The following FAM13A variants were observed in gnomAD, a reference collection of about 807,000 sequenced individuals.
FAM13A encodes the protein family with sequence similarity 13 member A, also known as protein FAM13A.
A neutral mutation model predicts 129.6 loss-of-function variants in FAM13A; 76 were observed. The observed-to-expected ratio is 0.59, with a 90% CI of 0.49 to 0.71. The LOEUF (loss-of-function observed/expected upper bound fraction) is 0.71. Ranked by LOEUF, FAM13A falls within the 30% of genes least tolerant of loss-of-function variation. FAM13A has a pLI of 0.00. For missense variants in FAM13A, 1,108 were observed against 1,249.3 expected (o/e 0.89, Z 1.70); for synonymous variants, 443 against 449.9 (o/e 0.98, Z 0.20).
chr4:88,839,667 A>C (rs1307422106), intron 7 of FAM13A, among the ~76,000 whole-genome samples: 1 of 152,158 alleles, frequency 6.6e-6, no homozygotes, highest in Non-Finnish European at 1.5e-5. Context: ...TGGGAGGATC[A>C]CTTGAGGCCA....
At chr4:88,829,673 C>T (rs1430442669) in intron 7 of FAM13A, among the ~76,000 whole-genome samples, 1 of 152,082 alleles carries the variant, frequency 6.6e-6, no homozygotes, top group Non-Finnish European at 1.5e-5. Context: ...GATTTCTGGG[C>T]TTACAGGACA....
At chr4:88,760,309 T>C (rs1435103104) in intron 13 of FAM13A, among the ~76,000 whole-genome samples, 1 of 151,926 alleles carries the variant, frequency 6.6e-6, no homozygotes, top group African/African-American at 2.4e-5. Flanking sequence ...TAAAGTCTTA[T>C]AGAAATGCCA....
At chr4:88,856,782 T>G (rs1191559491) in intron 6 of FAM13A, among the ~76,000 whole-genome samples, 1 of 152,236 alleles carries the variant, frequency 6.6e-6, no homozygotes, top group Non-Finnish European at 1.5e-5. Context: ...GTATGGAAGA[T>G]GGCAAAGCTT....
At chr4:88,972,673 T>TCTTGG (rs1477131055) in intron 4 of FAM13A, among the ~76,000 whole-genome samples, 1 of 151,870 alleles carries the variant, frequency 6.6e-6, no homozygotes, top group Non-Finnish European at 1.5e-5. Flanking sequence ...AGTGGTGTGA[T>TCTTGG]CTTGGCTCAC....
chr4:88,919,347 A>G (rs776465503), intron 5 of FAM13A, among the ~76,000 whole-genome samples: 47 of 152,244 alleles, frequency 3.1e-4, no homozygotes, highest in Non-Finnish European at 7.3e-5. Context: ...AAGTCTGTGA[A>G]GCAAACTTTT....
intron 6 of FAM13A, among the ~76,000 whole-genome samples, chr4:88,890,648 G>A (rs1745163768): frequency 6.6e-6 from 1 of 152,070 alleles, no homozygotes; most frequent in South Asian, 2.1e-4. Flanking sequence ...GAAAAGAAAG[G>A]AAATAACAAT....
chr4:88,818,853 GCTCT>G (rs1731334443), intron 7 of FAM13A, among the ~76,000 whole-genome samples: 1 of 152,112 alleles, frequency 6.6e-6, no homozygotes, highest in South Asian at 2.1e-4. Flanking sequence ...GCAGCAGAGG[GCTCT>G]CTAACACCAC....
chr4:89,050,525 A>C (rs2149181267), intron 1 of FAM13A, among the ~76,000 whole-genome samples: 1 of 152,194 alleles, frequency 6.6e-6, no homozygotes, highest in South Asian at 2.1e-4. Context: ...GTTCTTTCTA[A>C]AACTCCAAAT....
intron 1 of FAM13A, among the ~76,000 whole-genome samples, chr4:89,045,826 C>A (rs1277732253): frequency 1.3e-5 from 2 of 151,928 alleles, no homozygotes; most frequent in Admixed American, 6.6e-5. Context: ...GAGTTTGAGA[C>A]CAGTCTGACC....
rs1744212024 is a variant in FAM13A, at chr4:88,758,767, T to A, written c.1713A>T (p.Glu571Asp). 1 of 1,613,244 alleles carries A rather than the reference T, an allele frequency of 6.2e-7. No homozygotes were observed. The highest frequency in any genetic ancestry group is 2.2e-5 in the East Asian group (1 of 44,880). ...PQSDLTALCD[E>D]KNWEEPIPAF... is the part of the protein sequence containing the mutation. ...AGACAACCCTACCTTCCCAGTTCTTTTCATCACACAATGCAGTCAGGTCCG... is the reference window on the plus strand; with the variant it reads ...AGACAACCCTACCTTCCCAGTTCTTATCATCACACAATGCAGTCAGGTCCG... Residue 571 changes from glutamate (E) to aspartate (D), a missense_variant, in exon 14 of 24, where the codon GAA becomes GAT. By Grantham distance (45) the Glu-to-Asp change is conservative. Coordinates refer to ENST00000264344, the MANE Select transcript of FAM13A (RefSeq NM_014883.4).
intron 7 of FAM13A, among the ~76,000 whole-genome samples, chr4:88,847,677 G>A (rs1004820957): frequency 2.6e-4 from 40 of 152,214 alleles, no homozygotes; most frequent in African/African-American, 9.4e-4. Flanking sequence ...GCTCACGCCT[G>A]TAATCCCAGC....
chr4:88,880,933 C>T (rs1743456961), intron 6 of FAM13A, among the ~76,000 whole-genome samples: 1 of 152,036 alleles, frequency 6.6e-6, no homozygotes, highest in African/African-American at 2.4e-5. Context: ...AACATAACTC[C>T]ATTGGCCTGA....
At chr4:88,986,557 A>C (rs1762269674) in intron 4 of FAM13A, among the ~76,000 whole-genome samples, 1 of 152,290 alleles carries the variant, frequency 6.6e-6, no homozygotes, top group Non-Finnish European at 1.5e-5. Context: ...ACCATATGCC[A>C]AATGGCGAAG....
chr4:88,958,335 TCCAG>T (rs1579496671), intron 4 of FAM13A, among the ~76,000 whole-genome samples: 1 of 152,114 alleles, frequency 6.6e-6, no homozygotes, highest in East Asian at 1.9e-4. Context: ...TCTCAGCCAC[TCCAG>T]CTCCAGCTCC....
chr4:88,755,934 C>T (rs540032352), intron 14 of FAM13A, among the ~76,000 whole-genome samples: 1 of 152,296 alleles, frequency 6.6e-6, no homozygotes, highest in East Asian at 1.9e-4. Context: ...GGACTACAGG[C>T]GCATACCACC....
intron 8 of FAM13A, among the ~76,000 whole-genome samples, chr4:88,793,885 G>A (rs549268210): frequency 6.6e-6 from 1 of 152,018 alleles, no homozygotes; most frequent in East Asian, 1.9e-4. Flanking sequence ...TAGTTCCTGT[G>A]GGATGTACTT....
At chr4:89,054,350 A>AAT (rs377479341) in intron 1 of FAM13A, among the ~76,000 whole-genome samples, 5 of 152,132 alleles carry the variant, frequency 3.3e-5, no homozygotes, top group African/African-American at 1.2e-4. Context: ...TACTCATTAT[A>AAT]CTGTCTGAAG....
intron 7 of FAM13A, among the ~76,000 whole-genome samples, chr4:88,821,965 T>C (rs1332313406): frequency 1.3e-5 from 2 of 152,220 alleles, no homozygotes; most frequent in African/African-American, 4.8e-5. Flanking sequence ...TTATTTTTCA[T>C]TGCTAAAACA....
At chr4:88,745,256 G>A (rs1741077037) in intron 19 of FAM13A, among the ~76,000 whole-genome samples, 1 of 152,166 alleles carries the variant, frequency 6.6e-6, no homozygotes, top group African/African-American at 2.4e-5. Context: ...CCAAGGCTCT[G>A]AGAGGTTACC....
Sources: allele counts gnomAD v4.1 joint callset (sites outside exome capture counted in the v4.1 genomes callset), GRCh38; gene constraint gnomAD v4.1.1; transcripts MANE v1.5; gene names NCBI Gene and HGNC (gene_info 2026-07-23, HGNC 2026-07-21).